Variants in LBH observed in about 807,000 individuals in gnomAD.
The protein encoded by LBH is LBH regulator of Wnt signaling pathway, also known as protein LBH.
In LBH, 7 loss-of-function variants were observed where a neutral mutation model predicts 12.5. The ratio of observed to expected loss-of-function variants is 0.56; its 90% CI spans 0.32 to 1.05. The LOEUF (loss-of-function observed/expected upper bound fraction) is 1.05, where lower values mean the gene tolerates loss of function less well. LBH is among the 50% of genes least tolerant of loss of function. The pLI, the probability that LBH is intolerant of heterozygous loss-of-function variation, is 0.04. For synonymous variants in LBH, 51 were observed against 50.1 expected, an observed-to-expected ratio of 1.02 and a Z score of -0.08; for missense variants, 119 against 138.9, an observed-to-expected ratio of 0.86 and a Z score of 0.72.
At chr2:30,250,340 C>T (rs1283838177) in intron 2 of LBH, among the ~76,000 whole-genome samples, 2 of 151,986 alleles carry the variant, frequency 1.3e-5, no homozygotes, top group Non-Finnish European at 2.9e-5. Context: ...TGTCCAGGCT[C>T]CTGAGGTCTC....
At chr2:30,235,567 A>T (rs369137268) in intron 2 of LBH, among the ~76,000 whole-genome samples, 151 of 152,036 alleles carry the variant, frequency 9.9e-4, no homozygotes, top group African/African-American at 3.3e-3. Context: ...GGTCTGTCTA[A>T]CCCCAGAGCC....
intron 2 of LBH, among the ~76,000 whole-genome samples, chr2:30,235,421 C>T (rs1180600614): frequency 6.6e-6 from 1 of 152,134 alleles, no homozygotes; most frequent in Non-Finnish European, 1.5e-5. Context: ...GTCCGTGCTA[C>T]AGACATGAAG....
intron 2 of LBH, among the ~76,000 whole-genome samples, chr2:30,243,023 G>A (rs1460728013): frequency 5.3e-5 from 8 of 152,190 alleles, no homozygotes; most frequent in African/African-American, 1.9e-4. Flanking sequence ...AGCATTGAAA[G>A]CTCTAGCAAA....
At chr2:30,254,525 G>T (rs991344810) in intron 2 of LBH, among the ~76,000 whole-genome samples, 5 of 152,152 alleles carry the variant, frequency 3.3e-5, no homozygotes, top group African/African-American at 1.2e-4. Flanking sequence ...TTATTTTAAT[G>T]AAAGACCTGT....
At chr2:30,257,263 A>G (rs1043421605) in intron 2 of LBH, among the ~76,000 whole-genome samples, 170 bp from the exon 3 acceptor site, 1 of 152,210 alleles carries the variant, frequency 6.6e-6, no homozygotes, top group African/African-American at 2.4e-5. Flanking sequence ...GTTGCCCCAG[A>G]ATATTCTCCC....
intron 1 of LBH, chr2:30,232,251 G>A (rs1677603176): frequency 2.0e-6 from 1 of 488,908 alleles, no homozygotes; most frequent in Non-Finnish European, 3.7e-6. Context: ...TGGGGGGCGG[G>A]AAACGCTCTC....
At chr2:30,243,273 C>T (rs1003866139) in intron 2 of LBH, among the ~76,000 whole-genome samples, 20 of 152,218 alleles carry the variant, frequency 1.3e-4, no homozygotes, top group African/African-American at 4.8e-4. Context: ...CACTGACACC[C>T]TCTGTGGATT....
intron 2 of LBH, among the ~76,000 whole-genome samples, chr2:30,248,200 A>T (rs188501948): frequency 6.6e-5 from 10 of 152,306 alleles, no homozygotes; most frequent in Admixed American, 2.6e-4. Context: ...ATCAACTAAA[A>T]TCTCCAAGCT....
At chr2:30,250,400 A>G (rs34097147) in intron 2 of LBH, among the ~76,000 whole-genome samples, 32,272 of 151,376 alleles carry the variant, frequency 0.21, 4,340 homozygotes, top group Middle Eastern at 0.32. Context: ...ACCACCTTTC[A>G]TCTCCTCTAC....
At chr2:30,244,158 C>T (rs554700909) in intron 2 of LBH, among the ~76,000 whole-genome samples, 42 of 152,178 alleles carry the variant, frequency 2.8e-4, no homozygotes, top group Non-Finnish European at 4.9e-4. Flanking sequence ...AAGGCTGACA[C>T]ATACCAGCTT....
At chr2:30,238,308 A>G (rs1191531014) in intron 2 of LBH, among the ~76,000 whole-genome samples, 1 of 152,246 alleles carries the variant, frequency 6.6e-6, no homozygotes, top group Non-Finnish European at 1.5e-5. Flanking sequence ...AGGTCCAGAT[A>G]CAGATGTGGC....
At chr2:30,244,704 C>T (rs1677844385) in intron 2 of LBH, among the ~76,000 whole-genome samples, 1 of 152,038 alleles carries the variant, frequency 6.6e-6, no homozygotes, top group Non-Finnish European at 1.5e-5. Flanking sequence ...GAGTTTGAGA[C>T]CAGCCTGGGC....
At chr2:30,232,088 A>G in intron 1 of LBH, 2 of 1,533,306 alleles carry the variant, frequency 1.3e-6, no homozygotes, top group Non-Finnish European at 8.8e-7. Flanking sequence ...GGAGAGCTGC[A>G]GGAGGCGCGC....
intron 2 of LBH, among the ~76,000 whole-genome samples, chr2:30,255,620 TG>T (rs1678070648): frequency 1.3e-5 from 2 of 152,272 alleles, no homozygotes; most frequent in East Asian, 3.9e-4. Flanking sequence ...CTGTGATTCC[TG>T]GAAGCCCCAC....
At position 30,257,447 on chromosome 2, in the gene LBH, G is replaced by A. The variant is rs772935598; in HGVS notation, c.144G>A (p.Pro48=). ...DGLSYQIFPD[P]SDFDRCCKLK... Reference sequence around the variant, plus strand: ...TTTTCTTTCAGATCTTCCCAGACCCGTCAGATTTTGACCGCTGCTGCAAAC... The same window carrying A: ...TTTTCTTTCAGATCTTCCCAGACCCATCAGATTTTGACCGCTGCTGCAAAC... Residue 48 remains proline, a synonymous_variant, in exon 3 of 3, where the codon CCG becomes CCA. Transcript: ENST00000395323. 36 of 1,613,948 alleles carry A rather than the reference G, an allele frequency of 2.2e-5. No homozygotes were observed. Among genetic ancestry groups the A allele is most frequent in the Admixed American group, 8.3e-5 (5 of 60,002 alleles).
At chr2:30,252,232 A>G (rs1224168258) in intron 2 of LBH, among the ~76,000 whole-genome samples, 1 of 152,134 alleles carries the variant, frequency 6.6e-6, no homozygotes, top group Non-Finnish European at 1.5e-5. Context: ...ATGGTTTTAT[A>G]AGGGGCTTTT....
At chr2:30,235,692 A>T (rs913075927) in intron 2 of LBH, among the ~76,000 whole-genome samples, 2 of 41,724 alleles carry the variant, frequency 4.8e-5, no homozygotes, top group East Asian at 1.2e-3. Context: ...TTGTAAATTA[A>T]AAAAAAAAAA....
intron 2 of LBH, among the ~76,000 whole-genome samples, chr2:30,243,616 C>T (rs140897188): frequency 0.025 from 3,802 of 151,072 alleles, 61 homozygotes; most frequent in Middle Eastern, 0.075. Context: ...CTGCAACCTC[C>T]GCCTCCCTGG....
chr2:30,234,346 A>C, intron 1 of LBH, 59 bp from the exon 2 acceptor site: 1 of 1,279,506 alleles, frequency 7.8e-7, no homozygotes, highest in Non-Finnish European at 1.1e-6. Context: ...GAATGCATGA[A>C]GAGTTAGGAA....
Sources: allele counts gnomAD v4.1 joint callset (sites outside exome capture counted in the v4.1 genomes callset), GRCh38; gene constraint gnomAD v4.1.1; transcripts MANE v1.5; gene names NCBI Gene and HGNC (gene_info 2026-07-23, HGNC 2026-07-21).